The following STRN variants were observed in gnomAD, a reference collection of about 807,000 sequenced individuals.
STRN encodes the protein protein phosphatase 2 regulatory subunit B'''alpha.
Under a neutral mutation model 96.3 loss-of-function variants are expected in STRN, and 53 were observed. The ratio of observed to expected loss-of-function variants is 0.55; its 90% CI spans 0.44 to 0.69. The LOEUF (loss-of-function observed/expected upper bound fraction) is 0.69. Among genes scored for constraint, STRN ranks in the 30% least tolerant of loss-of-function variants. The pLI, the probability that STRN is intolerant of heterozygous loss-of-function variation, is 0.00. For synonymous variants in STRN, 428 were observed against 355.9 expected (o/e 1.20, Z -2.28); for missense variants, 987 against 963.9 (o/e 1.02, Z -0.32).
chr2:36,964,799 C>G (rs1010906155), intron 1 of STRN, among the ~76,000 whole-genome samples: 1 of 152,166 alleles, frequency 6.6e-6, no homozygotes, highest in Non-Finnish European at 1.5e-5. Flanking sequence ...ATTCTATAGG[C>G]GCATTTGCTG....
chr2:36,895,020 G>C (rs1288672555), intron 6 of STRN, among the ~76,000 whole-genome samples: 2 of 152,140 alleles, frequency 1.3e-5, no homozygotes, highest in African/African-American at 4.8e-5. Flanking sequence ...TAACTGTCCT[G>C]ATACATATAA....
intron 1 of STRN, among the ~76,000 whole-genome samples, chr2:36,955,738 C>G (rs1188618244): frequency 6.6e-6 from 1 of 152,204 alleles, no homozygotes; most frequent in East Asian, 1.9e-4. Context: ...ACACACAACT[C>G]ACTGTCCTCA....
At position 36,878,971 on chromosome 2, in the gene STRN, G is replaced by T. The variant is rs543297720; in HGVS notation, c.1187-944C>A. On this transcript the variant is annotated intron_variant, in intron 9 of 17. Coordinates refer to ENST00000263918, the MANE Select transcript of STRN (RefSeq NM_003162.4). ...TTTCACCATGTTGGCCAGGCTGGTC[G>T]TGAACTCCTGACCTCAAGTGATCCA... Among the ~76,000 whole-genome samples the T allele has an allele frequency of 3.4e-5, 5 of 148,578 alleles. No individual in the cohort carries two copies. In the East Asian group the frequency reaches 8.1e-4, roughly 24 times the overall value.
chr2:36,881,118 CTTTTTT>C (rs3081783), intron 9 of STRN, among the ~76,000 whole-genome samples: 15 of 78,994 alleles, frequency 1.9e-4, no homozygotes, highest in African/African-American at 5.4e-4. Context: ...ACACTGCCTT[CTTTTTT>C]TTTTTTTTTT....
chr2:36,923,838 T>TAA (rs929078598), intron 2 of STRN, among the ~76,000 whole-genome samples: 1 of 150,990 alleles, frequency 6.6e-6, no homozygotes, highest in East Asian at 1.9e-4. Flanking sequence ...CTCAGTTATC[T>TAA]AAAAAAAAAT....
At chr2:36,878,079 T>C (rs758643282) in intron 9 of STRN, 52 bp from the exon 10 acceptor site, 2 of 1,598,768 alleles carry the variant, frequency 1.3e-6, no homozygotes, top group Non-Finnish European at 1.7e-6. Flanking sequence ...GAGCCAACAT[T>C]TAGTCTCATT....
chr2:36,932,859 T>C (rs1273723253), intron 1 of STRN, among the ~76,000 whole-genome samples: 2 of 152,194 alleles, frequency 1.3e-5, no homozygotes, highest in Non-Finnish European at 2.9e-5. Flanking sequence ...CTTAAAGCAC[T>C]AAATTAATTA....
intron 16 of STRN, 34 bp from the exon 17 acceptor site, chr2:36,849,834 G>T: frequency 6.3e-7 from 1 of 1,595,586 alleles, no homozygotes; most frequent in African/African-American, 1.3e-5. Flanking sequence ...CCTTATTAAT[G>T]CCTTTCCTCA....
At chr2:36,875,505 C>CAAAAAA (rs70946953) in intron 10 of STRN, among the ~76,000 whole-genome samples, 4 of 50,968 alleles carry the variant, frequency 7.8e-5, no homozygotes, top group African/African-American at 1.8e-4. Flanking sequence ...GACTCTGCCT[C>CAAAAAA]AAAAAAAAAA....
chr2:36,958,939 AC>A (rs1404977287), intron 1 of STRN, among the ~76,000 whole-genome samples: 1 of 152,168 alleles, frequency 6.6e-6, no homozygotes, highest in Non-Finnish European at 1.5e-5. Context: ...ACACAGTGAA[AC>A]CCCATCTCTA....
rs185324920 is a variant in STRN, at chr2:36,947,160, T to C, written c.234+19070A>G. 3.3e-5 allele frequency among the ~76,000 whole-genome samples: 5 copies of C among 152,290 alleles called. No individual in the cohort carries two copies. The East Asian group carries it at 9.7e-4, about 29-fold the overall frequency. ...ATCTGCCTGCCTCGGCCTCCCAAAGTTCTGGGATTACAGGCATGAGCCACC... is the reference window on the plus strand; with the variant it reads ...ATCTGCCTGCCTCGGCCTCCCAAAGCTCTGGGATTACAGGCATGAGCCACC... On this transcript the variant is annotated intron_variant, in intron 1 of 17. Coordinates refer to ENST00000263918, the MANE Select transcript of STRN (RefSeq NM_003162.4).
chr2:36,839,389 G>C lies in STRN; in HGVS notation c.*10067C>G, dbSNP rs1667894403. ...ATATAGCTGGCACTCAAATATTAAG[G>C]AAAGTAGTCTTCTGCTACTCTTGAT... On this transcript the variant is annotated 3_prime_UTR_variant, in exon 18 of 18. Transcript: ENST00000263918. 6.6e-6 allele frequency among the ~76,000 whole-genome samples: 1 copy of C among 152,112 alleles called. No homozygotes were observed. The highest frequency in any genetic ancestry group is 2.4e-5 in the African/African-American group (1 of 41,412).
intron 14 of STRN, among the ~76,000 whole-genome samples, chr2:36,857,337 T>G (rs1668371443): frequency 6.6e-6 from 1 of 152,130 alleles, no homozygotes; most frequent in Non-Finnish European, 1.5e-5. Context: ...TCTTAATTTT[T>G]TAAAATCTAA....
chr2:36,920,907 T>A (rs1670236957), intron 2 of STRN, among the ~76,000 whole-genome samples: 1 of 151,748 alleles, frequency 6.6e-6, no homozygotes, highest in Non-Finnish European at 1.5e-5. Context: ...ACACCCCATC[T>A]CTACTAAAAA....
chr2:36,947,070 G>C (rs980123630), intron 1 of STRN, among the ~76,000 whole-genome samples: 1 of 151,838 alleles, frequency 6.6e-6, no homozygotes, highest in African/African-American at 2.4e-5. Flanking sequence ...TAATTTTTTT[G>C]TATTTTTAGT....
At chr2:36,908,937 C>T (rs1016738084) in intron 3 of STRN, among the ~76,000 whole-genome samples, 5 of 151,836 alleles carry the variant, frequency 3.3e-5, no homozygotes, top group Non-Finnish European at 7.4e-5. Flanking sequence ...GCCAAGATCA[C>T]ATCACTACAC....
intron 8 of STRN, 39 bp downstream of exon 8, chr2:36,886,677 C>T (rs1476207450): frequency 2.7e-5 from 40 of 1,498,736 alleles, no homozygotes; most frequent in Non-Finnish European, 3.6e-5. Context: ...TGTAAAGAGG[C>T]AAGATTTATG....
At chr2:36,928,086 T>A (rs193030165) in intron 1 of STRN, among the ~76,000 whole-genome samples, 3 of 152,272 alleles carry the variant, frequency 2.0e-5, no homozygotes, top group African/African-American at 7.2e-5. Context: ...CTTTTTTTTC[T>A]CTAGGAAACT....
At chr2:36,937,714 T>G (rs4670637) in intron 1 of STRN, among the ~76,000 whole-genome samples, 63,598 of 150,478 alleles carry the variant, frequency 0.42, 13,789 homozygotes, top group East Asian at 0.67. Context: ...AAGAAGGAAA[T>G]AAGAAAGAAA....
Sources: gnomAD v4.1 joint callset for allele counts (sites outside exome capture counted in the v4.1 genomes callset) on GRCh38, gnomAD v4.1.1 for gene constraint, MANE v1.5 for transcripts, NCBI Gene and HGNC (gene_info 2026-07-23, HGNC 2026-07-21) for gene names.